CNGA1: variants seen among roughly 807,000 people sequenced by gnomAD.
The protein encoded by CNGA1 is cyclic nucleotide gated channel subunit alpha 1.
Under a neutral mutation model 69.7 loss-of-function variants are expected in CNGA1, and 53 were observed. That is an observed-to-expected ratio of 0.76 (90% CI 0.61 to 0.96). The LOEUF (loss-of-function observed/expected upper bound fraction) is 0.96. CNGA1 is among the 40% of genes least tolerant of loss of function. The pLI, the probability that CNGA1 is intolerant of heterozygous loss-of-function variation, is 0.00. For missense variants in CNGA1, 739 were observed against 811.2 expected (o/e 0.91, Z 1.08); for synonymous variants, 249 against 283.5 (o/e 0.88, Z 1.22).
At chr4:48,002,506 T>A (rs1352377791) in intron 2 of CNGA1, among the ~76,000 whole-genome samples, 1 of 151,902 alleles carries the variant, frequency 6.6e-6, no homozygotes, top group Non-Finnish European at 1.5e-5. Context: ...CAGGGGTTTT[T>A]CAAAGGCAGT....
intron 3 of CNGA1, among the ~76,000 whole-genome samples, chr4:47,965,607 A>G (rs1740682492): frequency 6.6e-6 from 1 of 151,804 alleles, no homozygotes; most frequent in Admixed American, 6.6e-5. Context: ...TTGTATTTTT[A>G]GTAGAGATGA....
At chr4:47,962,837 G>T (rs544188185) in intron 3 of CNGA1, among the ~76,000 whole-genome samples, 29 of 152,096 alleles carry the variant, frequency 1.9e-4, no homozygotes, top group African/African-American at 6.0e-4. Context: ...TAAATTTGAG[G>T]ACCACTGAAC....
chr4:48,004,329 C>T (rs879469497), intron 2 of CNGA1, among the ~76,000 whole-genome samples: 84 of 152,132 alleles, frequency 5.5e-4, no homozygotes, highest in African/African-American at 2.0e-3. Flanking sequence ...TACCGGTCTC[C>T]GCGTCTTTGT....
At chr4:47,979,045 G>GCC (rs1741562255) in intron 3 of CNGA1, among the ~76,000 whole-genome samples, 2 of 152,184 alleles carry the variant, frequency 1.3e-5, no homozygotes, top group African/African-American at 4.8e-5. Flanking sequence ...CACAGGCTGG[G>GCC]CATGGTGGCT....
chr4:47,958,363 G>A (rs978588023), intron 3 of CNGA1, among the ~76,000 whole-genome samples: 5 of 151,998 alleles, frequency 3.3e-5, no homozygotes, highest in African/African-American at 4.8e-5. Context: ...GGTGGCTCAC[G>A]CCTGTAATCC....
intron 6 of CNGA1, among the ~76,000 whole-genome samples, chr4:47,946,297 G>A (rs1198276191): frequency 6.6e-6 from 1 of 152,220 alleles, no homozygotes; most frequent in Non-Finnish European, 1.5e-5. Context: ...AATTGCAGCT[G>A]CTGTGTCATA....
At chr4:47,992,531 T>G (rs1742313326) in intron 2 of CNGA1, among the ~76,000 whole-genome samples, 1 of 152,116 alleles carries the variant, frequency 6.6e-6, no homozygotes, top group South Asian at 2.1e-4. Context: ...TCCGGCAATT[T>G]TGCTGAATTC....
intron 2 of CNGA1, among the ~76,000 whole-genome samples, chr4:47,995,281 T>C (rs1742434180): frequency 6.6e-6 from 1 of 152,136 alleles, no homozygotes; most frequent in Non-Finnish European, 1.5e-5. Flanking sequence ...TTTCCAAACT[T>C]TTAGAATTCT....
At chr4:47,965,575 C>T (rs560800901) in intron 3 of CNGA1, among the ~76,000 whole-genome samples, 19 of 151,814 alleles carry the variant, frequency 1.3e-4, no homozygotes, top group African/African-American at 4.3e-4. Context: ...TACAGGTGCC[C>T]ACCACCAGGC....
At chr4:48,013,316 T>C (rs982078332) in intron 1 of CNGA1, among the ~76,000 whole-genome samples, 1 of 152,228 alleles carries the variant, frequency 6.6e-6, no homozygotes, top group Non-Finnish European at 1.5e-5. Context: ...CAGTTTATTT[T>C]GCCAAGGTTG....
At chr4:47,987,466 C>T (rs1243813550) in intron 2 of CNGA1, among the ~76,000 whole-genome samples, 1 of 152,122 alleles carries the variant, frequency 6.6e-6, no homozygotes, top group Non-Finnish European at 1.5e-5. Flanking sequence ...AGATCAGGAA[C>T]CGTGTCTATG....
chr4:47,993,086 G>A (rs561403859), intron 2 of CNGA1, among the ~76,000 whole-genome samples: 11 of 152,102 alleles, frequency 7.2e-5, no homozygotes, highest in South Asian at 2.1e-4. Flanking sequence ...TGTTGGATTC[G>A]GTTAGCTAGT....
Position 47,952,584 on chromosome 4 carries a change from T to C in CNGA1, c.106A>G (p.Ser36Gly), listed in dbSNP as rs1212211403. The C allele has an allele frequency of 6.2e-7, 1 of 1,612,584 alleles. No homozygotes were observed. Among genetic ancestry groups the C allele is most frequent in the Non-Finnish European group, 8.5e-7 (1 of 1,179,046 alleles). ...GCATGGGAAAATGTTTGGATTTACC[T>C]GCATGCTCCATTTTCCATCCTTCGT... ...EIRRMENGAC[S>G]SFSEDDDSAS... Residue 36 changes from serine to glycine, a missense_variant and splice_region_variant, in exon 4 of 11, where the codon AGC becomes GGC. Physicochemically the swap from Ser to Gly is moderately conservative, Grantham distance 56. Coordinates refer to ENST00000514170, the MANE Select transcript of CNGA1 (RefSeq NM_001379270.1).
At chr4:48,011,847 G>A (rs537979589) in intron 1 of CNGA1, among the ~76,000 whole-genome samples, 11 of 152,110 alleles carry the variant, frequency 7.2e-5, no homozygotes, top group East Asian at 1.9e-4. Flanking sequence ...GGGAATGTTC[G>A]GATTAAGATA....
intron 2 of CNGA1, among the ~76,000 whole-genome samples, chr4:48,000,086 G>A (rs1196150921): frequency 6.6e-6 from 1 of 152,048 alleles, no homozygotes; most frequent in Non-Finnish European, 1.5e-5. Flanking sequence ...GATAAAATCA[G>A]TGAATGTGAA....
At chr4:47,978,796 T>C (rs1489078020) in intron 3 of CNGA1, among the ~76,000 whole-genome samples, 1 of 152,238 alleles carries the variant, frequency 6.6e-6, no homozygotes, top group Non-Finnish European at 1.5e-5. Context: ...TGCCCATTAA[T>C]TTCAGATAAA....
chr4:47,953,755 T>G (rs1429478142), intron 3 of CNGA1, among the ~76,000 whole-genome samples: 1 of 152,196 alleles, frequency 6.6e-6, no homozygotes, highest in African/African-American at 2.4e-5. Context: ...CTATGATTTC[T>G]GTTCATGGTC....
At position 47,937,278 on chromosome 4, in the gene CNGA1, C is replaced by A. The variant is rs779391842; in HGVS notation, c.1204G>T (p.Ala402Ser). 2 of 1,613,864 alleles carry A rather than the reference C, an allele frequency of 1.2e-6. No individual in the cohort carries two copies. Among genetic ancestry groups the A allele is most frequent in the Admixed American group, 3.3e-5 (2 of 60,000 alleles). Residue 402 changes from alanine (A) to serine (S), a missense_variant, in exon 11 of 11, where the codon GCC becomes TCC. Transcript: ENST00000514170. The stretch of plus-strand genomic sequence containing the variant: ...ATTCTTGCTTGAAATTCTGCTCTGG[C>A]TGCATTCATGTTGGAAATCATAGAA... Reference protein sequence around the residue: ...IGSMISNMNAARAEFQARIDA... With the variant: ...IGSMISNMNASRAEFQARIDA...
In CNGA1 at chr4:47,942,359, GTT is replaced by G. The variant is rs201657712; in HGVS notation, c.438-213_438-212del. On this transcript the variant is annotated intron_variant, in intron 8 of 10. Coordinates refer to ENST00000514170, the MANE Select transcript of CNGA1 (RefSeq NM_001379270.1). ...GGGTGGATAGATAACAAAACTACCA[GTT>G]TTTTTTTTTTTTTTTTTTTTGAGAG... Among the ~76,000 whole-genome samples, 15,664 of 123,084 alleles carry G rather than the reference GTT, an allele frequency of 0.13. 1,354 individuals carry two copies. The highest frequency in any genetic ancestry group is 0.31 in the East Asian group (1,301 of 4,202). The allele number at this position is 123,084 out of a possible 152,430, so 80.7% of individuals were successfully genotyped here.
Sources: allele counts gnomAD v4.1 joint callset (sites outside exome capture counted in the v4.1 genomes callset), GRCh38; gene constraint gnomAD v4.1.1; transcripts MANE v1.5; gene names NCBI Gene and HGNC (gene_info 2026-07-23, HGNC 2026-07-21).